RANBP2: variants seen among roughly 807,000 people sequenced by gnomAD.
RANBP2 encodes the protein E3 SUMO-protein ligase RanBP2.
Under a neutral mutation model 303.6 loss-of-function variants are expected in RANBP2, and 57 were observed. That is an observed-to-expected ratio of 0.19 (90% confidence interval 0.15 to 0.23). The LOEUF is 0.23. Among genes scored for constraint, RANBP2 ranks in the 10% least tolerant of loss-of-function variants. RANBP2 has a pLI of 1.00. For synonymous variants in RANBP2, 1,167 were observed against 1,301.5 expected (o/e 0.90, Z 2.23); for missense variants, 3,138 against 3,780.8 (o/e 0.83, Z 4.46).
chr2:109,668,534 A>T, the RANBP2 span, among the ~76,000 whole-genome samples: 2 of 152,228 alleles, frequency 1.3e-5, no homozygotes, highest in African/African-American at 4.8e-5. Flanking sequence ...GATGCTGCTG[A>T]GGGACTACCA....
the RANBP2 span, among the ~76,000 whole-genome samples, chr2:109,167,070 G>C: frequency 6.6e-6 from 1 of 152,248 alleles, no homozygotes; most frequent in African/African-American, 2.4e-5. Flanking sequence ...GGTCAGGCCA[G>C]TGGGAACCCA....
chr2:108,741,321 C>T (rs1456247658), intron 7 of RANBP2, among the ~76,000 whole-genome samples: 2 of 151,688 alleles, frequency 1.3e-5, no homozygotes, highest in African/African-American at 2.4e-5. Context: ...CTCAGTCTCC[C>T]GAGTAGCTGG....
chr2:108,817,073 A>C, the RANBP2 span, among the ~76,000 whole-genome samples: 1 of 152,202 alleles, frequency 6.6e-6, no homozygotes, highest in African/African-American at 2.4e-5. Context: ...TTTGGAGGAA[A>C]CAAACGTTCA....
At chr2:109,219,271 G>A in the RANBP2 span, among the ~76,000 whole-genome samples, 2 of 151,380 alleles carry the variant, frequency 1.3e-5, no homozygotes, top group Middle Eastern at 3.4e-3. Context: ...CACTTTTTTG[G>A]GGGGCTCAGT....
the RANBP2 span, among the ~76,000 whole-genome samples, chr2:109,028,276 A>T: frequency 6.6e-6 from 1 of 152,190 alleles, no homozygotes; most frequent in African/African-American, 2.4e-5. Flanking sequence ...GTCTCAAAAG[A>T]AATAAATAAA....
chr2:109,469,529 A>G, the RANBP2 span, among the ~76,000 whole-genome samples: 1 of 152,038 alleles, frequency 6.6e-6, no homozygotes, highest in Non-Finnish European at 1.5e-5. Flanking sequence ...TCAAAGCACA[A>G]AACTTAGGCT....
At chr2:108,871,746 T>C in the RANBP2 span, among the ~76,000 whole-genome samples, 3 of 152,232 alleles carry the variant, frequency 2.0e-5, no homozygotes, top group Non-Finnish European at 4.4e-5. Flanking sequence ...ATGAAATACA[T>C]ACTGCTAATG....
chr2:109,398,636 C>T, the RANBP2 span: 3 of 1,597,334 alleles, frequency 1.9e-6, no homozygotes, highest in African/African-American at 2.7e-5. Context: ...AAGCCATGCC[C>T]AGCCGCTGCA....
chr2:109,176,740 A>G, the RANBP2 span, among the ~76,000 whole-genome samples: 1 of 152,164 alleles, frequency 6.6e-6, no homozygotes, highest in Non-Finnish European at 1.5e-5. Context: ...CTGTCTCTAA[A>G]AAAGAAGGCA....
chr2:108,944,360 C>T, the RANBP2 span, among the ~76,000 whole-genome samples: 3 of 152,198 alleles, frequency 2.0e-5, no homozygotes, highest in Non-Finnish European at 2.9e-5. Flanking sequence ...GTAATCCACC[C>T]GCCTTGGCCT....
At chr2:109,636,738 G>C in the RANBP2 span, among the ~76,000 whole-genome samples, 1 of 152,110 alleles carries the variant, frequency 6.6e-6, no homozygotes, top group East Asian at 1.9e-4. Context: ...AGAAGTTCAA[G>C]ACCAGCCTGG....
chr2:109,415,115 C>T, the RANBP2 span, among the ~76,000 whole-genome samples: 3 of 147,956 alleles, frequency 2.0e-5, no homozygotes, highest in East Asian at 2.1e-4. Flanking sequence ...GACCAAGGAA[C>T]GTGGGCAGCC....
the RANBP2 span, among the ~76,000 whole-genome samples, chr2:109,170,693 G>A: frequency 1.3e-5 from 2 of 152,148 alleles, no homozygotes; most frequent in African/African-American, 4.8e-5. Context: ...CACAGTCTGA[G>A]GTTGTTATTT....
the RANBP2 span, among the ~76,000 whole-genome samples, chr2:109,174,775 G>A: frequency 1.3e-5 from 2 of 152,208 alleles, no homozygotes; most frequent in Non-Finnish European, 2.9e-5. Flanking sequence ...TGGCTCACTC[G>A]CTGGAGCCCT....
the RANBP2 span, among the ~76,000 whole-genome samples, chr2:109,441,778 A>G: frequency 6.6e-6 from 1 of 152,254 alleles, no homozygotes; most frequent in Admixed American, 6.5e-5. Context: ...TCTCTCATAA[A>G]GAAAACACTG....
At chr2:108,930,289 A>G in the RANBP2 span, 5 of 1,613,006 alleles carry the variant, frequency 3.1e-6, no homozygotes, top group Non-Finnish European at 4.2e-6. Context: ...CCTTAGAAAC[A>G]CATGTGACTC....
chr2:109,722,464 G>A, the RANBP2 span, among the ~76,000 whole-genome samples: 3 of 152,276 alleles, frequency 2.0e-5, no homozygotes, highest in East Asian at 5.8e-4. Context: ...TTCCCCATTG[G>A]TCCTTCTCTT....
At chr2:108,909,843 T>C in the RANBP2 span, among the ~76,000 whole-genome samples, 5 of 152,242 alleles carry the variant, frequency 3.3e-5, no homozygotes, top group Non-Finnish European at 7.3e-5. Flanking sequence ...CTTTACACCA[T>C]GTGGCTCCTT....
the RANBP2 span, among the ~76,000 whole-genome samples, chr2:109,469,302 C>G: frequency 3.3e-5 from 5 of 152,232 alleles, no homozygotes; most frequent in Non-Finnish European, 5.9e-5. Context: ...TCACTGTGTC[C>G]TCCACTCTGT....
Sources: allele counts gnomAD v4.1 joint callset (sites outside exome capture counted in the v4.1 genomes callset), GRCh38; gene constraint gnomAD v4.1.1; transcripts MANE v1.5; gene names NCBI Gene and HGNC (gene_info 2026-07-23, HGNC 2026-07-21).